The following LANCL3 variants were observed in gnomAD, a reference collection of about 807,000 sequenced individuals.
LANCL3 encodes the protein lanC-like protein 3.
Under a neutral mutation model 26.5 loss-of-function variants are expected in LANCL3, and 19 were observed. The observed-to-expected ratio is 0.72, with a 90% confidence interval of 0.50 to 1.05. The LOEUF (loss-of-function observed/expected upper bound fraction) is 1.05. LANCL3 is among the 50% of genes least tolerant of loss of function. LANCL3 has a pLI of 0.00. For synonymous variants in LANCL3, 160 were observed against 166.6 expected (o/e 0.96, Z 0.30); for missense variants, 318 against 362.7 (o/e 0.88, Z 1.00).
At chrX:37,578,515 G>C (rs1476821782) in intron 1 of LANCL3, among the ~76,000 whole-genome samples, 1 of 111,676 alleles carries the variant, frequency 9.0e-6, no homozygotes, top group South Asian at 3.8e-4. Context: ...TGTTTTTGCT[G>C]TCAGCTAGTT....
chrX:37,611,286 G>C (rs1924862431), intron 1 of LANCL3, among the ~76,000 whole-genome samples: 1 of 111,640 alleles, frequency 9.0e-6, no homozygotes, highest in African/African-American at 3.3e-5. Context: ...ACAGAAAGCA[G>C]AGTGCTGATT....
At chrX:37,602,160 C>CATATAT (rs782716903) in intron 1 of LANCL3, among the ~76,000 whole-genome samples, 1 of 111,322 alleles carries the variant, frequency 9.0e-6, no homozygotes, top group African/African-American at 3.3e-5. Flanking sequence ...AGAAATTATA[C>CATATAT]ATATATATAT....
chrX:37,577,986 G>A (rs1923795989), intron 1 of LANCL3, among the ~76,000 whole-genome samples: 1 of 111,568 alleles, frequency 9.0e-6, no homozygotes, highest in African/African-American at 3.3e-5. Context: ...GGAAAACTAG[G>A]CCACTCCAGG....
chrX:37,593,820 A>G (rs73631186), intron 1 of LANCL3, among the ~76,000 whole-genome samples: 1,847 of 112,399 alleles, frequency 0.016, 31 homozygotes, highest in African/African-American at 0.054. Context: ...CTAATAACAG[A>G]AATGATGTGG....
At chrX:37,631,991 C>G (rs1482383088) in intron 1 of LANCL3, among the ~76,000 whole-genome samples, 1 of 110,563 alleles carries the variant, frequency 9.0e-6, no homozygotes, top group African/African-American at 3.3e-5. Context: ...GAGCTGAGTT[C>G]AATTCCTGGG....
At chrX:37,660,698 G>GT (rs782068127) in intron 3 of LANCL3, among the ~76,000 whole-genome samples, 9 of 111,369 alleles carry the variant, frequency 8.1e-5, no homozygotes, top group African/African-American at 1.3e-4. Context: ...TTTCTCTGTA[G>GT]TTTTTTTACC....
intron 1 of LANCL3, among the ~76,000 whole-genome samples, chrX:37,607,230 G>A (rs1924744352): frequency 8.9e-6 from 1 of 112,114 alleles, no homozygotes; most frequent in Non-Finnish European, 1.9e-5. Context: ...TCTACTTCCT[G>A]AACCATTTTT....
intron 3 of LANCL3, among the ~76,000 whole-genome samples, chrX:37,665,306 A>C (rs782268296): frequency 8.9e-5 from 10 of 111,746 alleles, no homozygotes; most frequent in Non-Finnish European, 1.9e-4. Flanking sequence ...TGGTTAGAAC[A>C]TTGCCCCACT....
intron 1 of LANCL3, among the ~76,000 whole-genome samples, chrX:37,585,020 G>A (rs1924020874): frequency 8.9e-6 from 1 of 111,863 alleles, no homozygotes; most frequent in African/African-American, 3.3e-5. Flanking sequence ...TGGTTTCAGA[G>A]AACATCTTTA....
chrX:37,673,893 T>C (rs1556436829), intron 4 of LANCL3, among the ~76,000 whole-genome samples: 1 of 111,794 alleles, frequency 8.9e-6, no homozygotes, highest in Non-Finnish European at 1.9e-5. Context: ...CAAATCATCT[T>C]TTTGTTTTAT....
intron 1 of LANCL3, among the ~76,000 whole-genome samples, chrX:37,641,450 G>A (rs1354833711): frequency 9.1e-6 from 1 of 110,219 alleles, no homozygotes; most frequent in Non-Finnish European, 1.9e-5. Flanking sequence ...ATACCCCGTA[G>A]CTTTAGGTTT....
rs782609166 is a variant in LANCL3 at position 37,597,592 on chromosome X, C to T, written c.573+25149C>T. The stretch of plus-strand genomic sequence containing the variant: ...GCAGTGGGGTGATCATAGCTCACTG[C>T]GAGTTTGAACTCCTGGGCCCAAGTG... On this transcript the variant is annotated intron_variant, in intron 1 of 4. Transcript: ENST00000378619. Among the ~76,000 whole-genome samples the T allele has an allele frequency of 3.0e-4, 31 of 105,047 alleles. No homozygotes were observed. The East Asian group carries it at 8.2e-3, about 28-fold the overall frequency. 91.2% of individuals were successfully genotyped at this position (105,047 alleles called of 115,157 possible). A position where few individuals can be genotyped will look rare whatever the true frequency, so the allele number is the denominator to read the frequency against.
At chrX:37,578,657 A>G (rs1404726008) in intron 1 of LANCL3, among the ~76,000 whole-genome samples, 2 of 112,228 alleles carry the variant, frequency 1.8e-5, no homozygotes, top group African/African-American at 6.5e-5. Flanking sequence ...CATCAAAGAT[A>G]TAAAACAAAA....
intron 1 of LANCL3, among the ~76,000 whole-genome samples, chrX:37,618,498 C>T (rs899262698): frequency 1.3e-4 from 14 of 112,000 alleles, no homozygotes; most frequent in African/African-American, 4.5e-4. Context: ...TCTCACAGTT[C>T]TGAAGGCCAG....
At chrX:37,592,934 T>C (rs5963768) in intron 1 of LANCL3, among the ~76,000 whole-genome samples, 22,957 of 111,167 alleles carry the variant, frequency 0.21, 3,858 homozygotes, top group African/African-American at 0.57. Flanking sequence ...AAACCTGGTT[T>C]CATACAAGGA....
At chrX:37,575,906 C>G (rs1556416350) in intron 1 of LANCL3, among the ~76,000 whole-genome samples, 2 of 112,466 alleles carry the variant, frequency 1.8e-5, no homozygotes, top group Non-Finnish European at 1.9e-5. Flanking sequence ...TAAAGACCCA[C>G]AAGAGGAATT....
intron 1 of LANCL3, among the ~76,000 whole-genome samples, chrX:37,640,021 C>T (rs782351723): frequency 8.9e-6 from 1 of 112,013 alleles, no homozygotes; most frequent in South Asian, 3.7e-4. Context: ...ACACAATTCA[C>T]TTAATATTGA....
At chrX:37,617,499 A>G (rs936601068) in intron 1 of LANCL3, among the ~76,000 whole-genome samples, 7 of 111,453 alleles carry the variant, frequency 6.3e-5, no homozygotes, top group Non-Finnish European at 1.3e-4. Flanking sequence ...GCACAAAAAG[A>G]TCCCTCTTCT....
At chrX:37,617,687 G>A (rs1345590398) in intron 1 of LANCL3, among the ~76,000 whole-genome samples, 2 of 111,546 alleles carry the variant, frequency 1.8e-5, no homozygotes, top group African/African-American at 3.3e-5. Flanking sequence ...TTAGCAGGGA[G>A]CAAGTGCGTT....
Sources: allele counts gnomAD v4.1 joint callset (sites outside exome capture counted in the v4.1 genomes callset), GRCh38; gene constraint gnomAD v4.1.1; transcripts MANE v1.5; gene names NCBI Gene and HGNC (gene_info 2026-07-23, HGNC 2026-07-21).